PTPRN2: variants seen among roughly 807,000 people sequenced by gnomAD.
The protein encoded by PTPRN2 is receptor-type tyrosine-protein phosphatase N2.
PTPRN2 carries 74 observed loss-of-function variants against 118.8 expected under a neutral mutation model. The observed-to-expected ratio is 0.62, with a 90% CI of 0.52 to 0.76. The LOEUF (loss-of-function observed/expected upper bound fraction) is 0.76. Among genes scored for constraint, PTPRN2 ranks in the 30% least tolerant of loss-of-function variants. The pLI is 0.00. For missense variants in PTPRN2, 1,481 were observed against 1,394.4 expected (o/e 1.06, Z -0.99); for synonymous variants, 641 against 608.0 (o/e 1.05, Z -0.80).
At chr7:157,564,366 G>A (rs557399304) in intron 21 of PTPRN2, among the ~76,000 whole-genome samples, 9 of 152,304 alleles carry the variant, frequency 5.9e-5, no homozygotes, top group African/African-American at 1.2e-4. Flanking sequence ...TGATCCACCC[G>A]CCTTGGCCTC....
chr7:157,579,827 A>G (rs1047492402), intron 17 of PTPRN2, among the ~76,000 whole-genome samples: 4 of 152,248 alleles, frequency 2.6e-5, no homozygotes, highest in Admixed American at 6.5e-5. Flanking sequence ...TAAATCAAAC[A>G]AATAGGCAGC....
At chr7:158,367,873 G>A (rs764249807) in intron 2 of PTPRN2, among the ~76,000 whole-genome samples, 5 of 152,032 alleles carry the variant, frequency 3.3e-5, no homozygotes, top group African/African-American at 7.2e-5. Flanking sequence ...TTCTCCAGAC[G>A]GTTTACAAAT....
At position 157,974,611 on chromosome 7, in the gene PTPRN2, C is replaced by G. The variant is rs369688434; in HGVS notation, c.1724-75874G>C. 8.5e-6 allele frequency among the ~76,000 whole-genome samples: 1 copy of G among 116,988 alleles called. No individual in the cohort carries two copies. Among genetic ancestry groups the G allele is most frequent in the Non-Finnish European group, 1.7e-5 (1 of 57,966 alleles). 76.7% of individuals were successfully genotyped at this position (116,988 alleles called of 152,430 possible). A position where few individuals can be genotyped will look rare whatever the true frequency, so the allele number is the denominator to read the frequency against. The stretch of plus-strand genomic sequence containing the variant: ...GGGTGGGTGGGACCTCAGACCTCAG[C>G]GGGTGATGGCAGTGGGAGCCTGGGC... On this transcript the variant is annotated intron_variant, in intron 11 of 22. Transcript: ENST00000389418. The surrounding 1 kb of genome is among the most constrained non-coding windows in gnomAD (Gnocchi z 4.0).
At chr7:158,067,149 A>G (rs573161358) in intron 11 of PTPRN2, among the ~76,000 whole-genome samples, 48 of 152,330 alleles carry the variant, frequency 3.2e-4, no homozygotes, top group African/African-American at 1.0e-3. Flanking sequence ...AGATGGGTGG[A>G]GGGCAAGGGA....
At chr7:157,930,796 C>T (rs1163975512) in intron 11 of PTPRN2, among the ~76,000 whole-genome samples, 1 of 152,236 alleles carries the variant, frequency 6.6e-6, no homozygotes, top group African/African-American at 2.4e-5. Flanking sequence ...ACAGGCACTG[C>T]TGCTTGGGGA....
rs1456326543 is a variant in PTPRN2, at chr7:158,317,417, G to A, written c.164-485C>T. 4.6e-5 allele frequency among the ~76,000 whole-genome samples: 7 copies of A among 152,232 alleles called. 1 individual carries two copies. Among genetic ancestry groups the A allele is most frequent in the Non-Finnish European group, 8.8e-5 (6 of 68,044 alleles). On this transcript the variant is annotated intron_variant, in intron 2 of 22. Transcript: ENST00000389418. ...GCGTGGGAGGCAAGCACGGCTTCCC[G>A]GGCTCCTTTCCGGCGGCGCAGGAGA...
intron 11 of PTPRN2, among the ~76,000 whole-genome samples, chr7:157,909,203 G>T (rs767482616): frequency 6.6e-6 from 1 of 151,908 alleles, no homozygotes; most frequent in East Asian, 1.9e-4. Context: ...AAAAACAATA[G>T]CTTTATGCAC....
chr7:157,806,102 AATAT>A (rs1261873601), intron 12 of PTPRN2, among the ~76,000 whole-genome samples: 3 of 152,148 alleles, frequency 2.0e-5, no homozygotes. Context: ...GTGTGTGTGT[AATAT>A]ATATAAAGGT....
At chr7:158,545,955 C>T (rs1359483456) in intron 1 of PTPRN2, among the ~76,000 whole-genome samples, 12 of 152,244 alleles carry the variant, frequency 7.9e-5, no homozygotes, top group African/African-American at 1.7e-4. Context: ...GCCGAAATTA[C>T]GCCACTGCAT....
At chr7:158,200,668 C>G (rs896867015) in intron 4 of PTPRN2, among the ~76,000 whole-genome samples, 3 of 152,134 alleles carry the variant, frequency 2.0e-5, no homozygotes, top group African/African-American at 7.2e-5. Context: ...CCAAAGAAAA[C>G]CTCAAAATTA....
chr7:157,646,801 G>A (rs1805110896), intron 14 of PTPRN2, among the ~76,000 whole-genome samples: 1 of 152,246 alleles, frequency 6.6e-6, no homozygotes, highest in Non-Finnish European at 1.5e-5. Flanking sequence ...TCTGCACCGG[G>A]CCCAAAGGCC....
intron 13 of PTPRN2, among the ~76,000 whole-genome samples, chr7:157,677,875 C>T (rs997859735): frequency 7.2e-5 from 11 of 152,248 alleles, no homozygotes; most frequent in Admixed American, 5.2e-4. Flanking sequence ...AGTTCTGTGC[C>T]GCCATGGAGT....
At chr7:158,264,157 G>A (rs192440484) in intron 3 of PTPRN2, among the ~76,000 whole-genome samples, 265 of 152,296 alleles carry the variant, frequency 1.7e-3, no homozygotes, top group African/African-American at 6.2e-3. Flanking sequence ...TGTCCCTAAC[G>A]AACAGCCGCA....
chr7:158,057,021 G>A (rs932067352), intron 11 of PTPRN2, among the ~76,000 whole-genome samples: 7 of 152,204 alleles, frequency 4.6e-5, no homozygotes, highest in Non-Finnish European at 8.8e-5. Flanking sequence ...AACAAAAGAT[G>A]CACTAGACCC....
chr7:157,906,163 G>A (rs995099751), intron 11 of PTPRN2, among the ~76,000 whole-genome samples: 4 of 152,212 alleles, frequency 2.6e-5, no homozygotes, highest in South Asian at 4.1e-4. Flanking sequence ...TCCTTAAAGC[G>A]GAAGTCATTC....
At chr7:158,344,808 A>C (rs1197931700) in intron 2 of PTPRN2, among the ~76,000 whole-genome samples, 1 of 152,032 alleles carries the variant, frequency 6.6e-6, no homozygotes, top group Non-Finnish European at 1.5e-5. Context: ...GGCCCAGGGG[A>C]CCCTGGCACT....
At position 157,747,009 on chromosome 7, in the gene PTPRN2, G is replaced by C. The variant is rs547849154; in HGVS notation, c.1789-64072C>G. ...AGGCGATTCTGAGGCCTGTGTCCCT[G>C]AGCTGTGGGCTGTTGAGGTGATTCT... On this transcript the variant is annotated intron_variant, in intron 12 of 22. Transcript: ENST00000389418. Among the ~76,000 whole-genome samples the C allele has an allele frequency of 3.0e-3, 446 of 149,982 alleles. 7 individuals carry two copies. The highest frequency in any genetic ancestry group is 0.011 in the African/African-American group (430 of 40,148).
intron 12 of PTPRN2, among the ~76,000 whole-genome samples, chr7:157,782,999 AC>A (rs1347061475): frequency 6.6e-6 from 1 of 152,150 alleles, no homozygotes; most frequent in Non-Finnish European, 1.5e-5. Flanking sequence ...TAATTGCATC[AC>A]AGGGGTGGAT....
At chr7:157,695,331 ACT>A (rs1288230552) in intron 12 of PTPRN2, among the ~76,000 whole-genome samples, 4 of 152,084 alleles carry the variant, frequency 2.6e-5, no homozygotes, top group African/African-American at 9.7e-5. Flanking sequence ...AACACCTGAG[ACT>A]CTTGATTTCA....
Sources: gnomAD v4.1 joint callset for allele counts (sites outside exome capture counted in the v4.1 genomes callset) on GRCh38, gnomAD v4.1.1 for gene constraint, Gnocchi (gnomAD v3.1) non-coding constraint, MANE v1.5 for transcripts, NCBI Gene and HGNC (gene_info 2026-07-23, HGNC 2026-07-21) for gene names.